GPC5: variants seen among roughly 807,000 people sequenced by gnomAD.
GPC5 encodes the protein glypican 5.
A neutral mutation model predicts 53.9 loss-of-function variants in GPC5; 47 were observed. That is an observed-to-expected ratio of 0.87 (90% CI 0.69 to 1.11). GPC5 has a LOEUF of 1.11. Ranked by LOEUF, GPC5 falls within the 50% of genes most tolerant of loss-of-function variation. The pLI is 0.00. For missense variants in GPC5, 748 were observed against 713.1 expected, an observed-to-expected ratio of 1.05 and a Z score of -0.56; for synonymous variants, 286 against 263.3, an observed-to-expected ratio of 1.09 and a Z score of -0.84.
intron 3 of GPC5, among the ~76,000 whole-genome samples, chr13:91,699,008 C>A (rs1295461697): frequency 6.6e-6 from 1 of 152,106 alleles, no homozygotes; most frequent in East Asian, 1.9e-4. Context: ...GGTGAGGACC[C>A]CTGGGTTAAA....
chr13:92,262,395 T>G (rs2042773341), intron 7 of GPC5, among the ~76,000 whole-genome samples: 1 of 152,196 alleles, frequency 6.6e-6, no homozygotes, highest in South Asian at 2.1e-4. Flanking sequence ...GTTTTAAAAT[T>G]GATTTTATTC....
intron 5 of GPC5, among the ~76,000 whole-genome samples, chr13:91,865,882 T>C (rs58239081): frequency 0.037 from 5,565 of 152,270 alleles, 346 homozygotes; most frequent in African/African-American, 0.13. Flanking sequence ...ATACTTTTTT[T>C]TTGAGATTGA....
chr13:91,918,134 T>C (rs1434910751), intron 6 of GPC5, among the ~76,000 whole-genome samples: 1 of 152,180 alleles, frequency 6.6e-6, no homozygotes, highest in Non-Finnish European at 1.5e-5. Context: ...CTTCACAGGA[T>C]GGCAGGAGAG....
At chr13:92,420,794 C>A (rs1477544458) in intron 7 of GPC5, among the ~76,000 whole-genome samples, 1 of 152,174 alleles carries the variant, frequency 6.6e-6, no homozygotes. Context: ...ACCTCCAGGT[C>A]TATCCATGTT....
intron 2 of GPC5, among the ~76,000 whole-genome samples, chr13:91,522,019 G>T (rs181465672): frequency 6.6e-6 from 1 of 152,330 alleles, no homozygotes; most frequent in African/African-American, 2.4e-5. Flanking sequence ...GATATATAAG[G>T]CTGGGTATGG....
intron 7 of GPC5, among the ~76,000 whole-genome samples, chr13:92,282,965 C>A (rs920034695): frequency 3.3e-5 from 5 of 152,160 alleles, no homozygotes; most frequent in African/African-American, 1.2e-4. Context: ...ATAAAAGAGT[C>A]AAGACCCATC....
chr13:92,146,296 G>T (rs926597922), intron 7 of GPC5, among the ~76,000 whole-genome samples: 3 of 151,916 alleles, frequency 2.0e-5, no homozygotes, highest in African/African-American at 7.3e-5. Flanking sequence ...TATAATTAAA[G>T]ATATTATTAT....
At chr13:91,612,717 T>C (rs2033590318) in intron 2 of GPC5, among the ~76,000 whole-genome samples, 1 of 152,222 alleles carries the variant, frequency 6.6e-6, no homozygotes, top group Non-Finnish European at 1.5e-5. Context: ...ATATGTATGA[T>C]ATTCTTGAGT....
intron 7 of GPC5, among the ~76,000 whole-genome samples, chr13:92,577,412 A>ATGTGTGTGTGTGTGTG (rs1198171581): frequency 1.9e-5 from 2 of 107,294 alleles, no homozygotes; most frequent in African/African-American, 6.7e-5. Flanking sequence ...GTAAGTATGT[A>ATGTGTGTGTGTGTGTG]TGTATATGTG....
intron 7 of GPC5, among the ~76,000 whole-genome samples, chr13:92,661,862 C>T (rs545331813): frequency 2.0e-5 from 3 of 152,260 alleles, no homozygotes; most frequent in Admixed American, 1.3e-4. Flanking sequence ...TCTACCTCTT[C>T]CTATCTCTTC....
intron 5 of GPC5, among the ~76,000 whole-genome samples, chr13:91,877,291 G>A (rs1330998234): frequency 1.3e-5 from 2 of 152,130 alleles, no homozygotes; most frequent in African/African-American, 2.4e-5. Context: ...TAGATCCACC[G>A]ACAGTTTGCA....
intron 6 of GPC5, among the ~76,000 whole-genome samples, chr13:92,040,824 C>T: frequency 6.6e-6 from 1 of 152,108 alleles, no homozygotes; most frequent in Admixed American, 6.6e-5. Flanking sequence ...TTTTTGTGAG[C>T]ACAATTATGC....
At chr13:92,304,904 G>A (rs2043100944) in intron 7 of GPC5, among the ~76,000 whole-genome samples, 1 of 152,072 alleles carries the variant, frequency 6.6e-6, no homozygotes, top group African/African-American at 2.4e-5. Flanking sequence ...TTAGATCTTT[G>A]TTAAACCATT....
chr13:92,676,689 C>T (rs750976824), intron 7 of GPC5, among the ~76,000 whole-genome samples: 11 of 152,208 alleles, frequency 7.2e-5, no homozygotes, highest in Middle Eastern at 3.4e-3. Context: ...GCCTACCCCA[C>T]GACTATTCAA....
At chr13:92,250,857 G>A (rs1048823712) in intron 7 of GPC5, among the ~76,000 whole-genome samples, 1 of 151,894 alleles carries the variant, frequency 6.6e-6, no homozygotes, top group African/African-American at 2.4e-5. Context: ...GCATATGGCA[G>A]GTCATTTTTA....
At chr13:92,461,944 G>A (rs1292384992) in intron 7 of GPC5, among the ~76,000 whole-genome samples, 1 of 152,198 alleles carries the variant, frequency 6.6e-6, no homozygotes, top group Non-Finnish European at 1.5e-5. Flanking sequence ...AAGTGAGGGA[G>A]ATAAAGGAAC....
chr13:92,008,906 A>T (rs888087144), intron 6 of GPC5, among the ~76,000 whole-genome samples: 1 of 151,652 alleles, frequency 6.6e-6, no homozygotes, highest in Non-Finnish European at 1.5e-5. Flanking sequence ...TTCTATTGCT[A>T]TGTCTTCAAA....
intron 2 of GPC5, among the ~76,000 whole-genome samples, chr13:91,649,683 A>G (rs955241154): frequency 2.0e-5 from 3 of 152,184 alleles, no homozygotes; most frequent in African/African-American, 7.2e-5. Context: ...CAGCAGTCCC[A>G]GGGGCCTTTT....
At chr13:91,754,811 A>C (rs765726302) in intron 4 of GPC5, among the ~76,000 whole-genome samples, 1 of 152,254 alleles carries the variant, frequency 6.6e-6, no homozygotes, top group East Asian at 1.9e-4. Flanking sequence ...TTAAAGTAGT[A>C]AATATGTAAT....
Sources: gnomAD v4.1 joint callset for allele counts (sites outside exome capture counted in the v4.1 genomes callset) on GRCh38, gnomAD v4.1.1 for gene constraint, MANE v1.5 for transcripts, NCBI Gene and HGNC (gene_info 2026-07-23, HGNC 2026-07-21) for gene names.